The following TRIM66 variants were observed in gnomAD, a reference collection of about 807,000 sequenced individuals.
TRIM66 encodes the protein tripartite motif-containing protein 66.
TRIM66 carries 99 observed loss-of-function variants against 148.2 expected under a neutral mutation model. That is an observed-to-expected ratio of 0.67 (90% confidence interval 0.57 to 0.79). The LOEUF (loss-of-function observed/expected upper bound fraction) is 0.79, where lower values mean the gene tolerates loss of function less well. Ranked by LOEUF, TRIM66 falls within the 30% of genes least tolerant of loss-of-function variation. The pLI is 0.00. For synonymous variants in TRIM66, 616 were observed against 635.9 expected, an observed-to-expected ratio of 0.97 and a Z score of 0.47; for missense variants, 1,666 against 1,697.9, an observed-to-expected ratio of 0.98 and a Z score of 0.33.
At chr11:8,620,810 A>C (rs992010087) in intron 20 of TRIM66, among the ~76,000 whole-genome samples, 1 of 152,234 alleles carries the variant, frequency 6.6e-6, no homozygotes, top group South Asian at 2.1e-4. Flanking sequence ...TGCAAGAAGA[A>C]GGTGAGAAAA....
intron 6 of TRIM66, among the ~76,000 whole-genome samples, chr11:8,658,568 C>T (rs544555250): frequency 1.3e-5 from 2 of 152,220 alleles, no homozygotes; most frequent in African/African-American, 4.8e-5. Flanking sequence ...CCCTGGGGAC[C>T]CCCTGTTTAT....
At position 8,614,660 on chromosome 11, in the gene TRIM66, C is replaced by G. The variant is rs927778162; in HGVS notation, c.*3284G>C. On this transcript the variant is annotated 3_prime_UTR_variant, in exon 25 of 25. Transcript: ENST00000646038. ...TGACTCCATGGAGTGAGAGAGGGAGCAGAACAGAGCCCAGGAACAAACAAG... is the reference window on the plus strand; with the variant it reads ...TGACTCCATGGAGTGAGAGAGGGAGGAGAACAGAGCCCAGGAACAAACAAG... 2.0e-5 allele frequency: 3 copies of G among 152,432 alleles called. No individual in the cohort carries two copies. The highest frequency in any genetic ancestry group is 4.4e-5 in the Non-Finnish European group (3 of 68,192). The allele number at this position is 152,432 out of a possible 1,614,324, so 9.4% of individuals were successfully genotyped here.
intron 4 of TRIM66, 32 bp from the exon 5 acceptor site, chr11:8,672,417 T>C (rs577816343): frequency 1.8e-5 from 26 of 1,479,216 alleles, no homozygotes; most frequent in African/African-American, 1.7e-4. Flanking sequence ...AGGAAGAAAA[T>C]TGCATTATTG....
chr11:8,619,569 A>G, intron 22 of TRIM66, 34 bp from the exon 23 acceptor site: 1 of 1,488,274 alleles, frequency 6.7e-7, no homozygotes, highest in Non-Finnish European at 8.9e-7. Context: ...AAGGAGGCAA[A>G]GGGAGTGAGA....
chr11:8,636,213 C>T (rs1209906210), intron 15 of TRIM66, among the ~76,000 whole-genome samples: 1 of 152,080 alleles, frequency 6.6e-6, no homozygotes, highest in African/African-American at 2.4e-5. Context: ...CGCATGATTT[C>T]ATCTCCATCC....
intron 4 of TRIM66, among the ~76,000 whole-genome samples, chr11:8,673,346 T>C (rs2039033537): frequency 6.6e-6 from 1 of 152,260 alleles, no homozygotes. Context: ...TTAAAAAGTA[T>C]AGTCTGGATT....
chr11:8,676,865 G>A (rs190368042), intron 3 of TRIM66, among the ~76,000 whole-genome samples: 3 of 152,172 alleles, frequency 2.0e-5, no homozygotes, highest in Non-Finnish European at 4.4e-5. Context: ...CTATATGAAC[G>A]AAGTGCTTTA....
At chr11:8,669,291 A>G (rs1008417036) in intron 6 of TRIM66, among the ~76,000 whole-genome samples, 6 of 152,214 alleles carry the variant, frequency 3.9e-5, no homozygotes, top group African/African-American at 1.4e-4. Flanking sequence ...TCATACTGTC[A>G]ATACTGCTGA....
In TRIM66 at chr11:8,640,763, C is replaced by G. The variant is rs202229005; in HGVS notation, c.1612G>C (p.Val538Leu). Residue 538 changes from valine (V) to leucine (L), a missense_variant, in exon 14 of 25, where the codon GTG becomes CTG. Val to Leu is a conservative substitution (Grantham distance 32, BLOSUM62 1). Coordinates refer to ENST00000646038, the MANE Select transcript of TRIM66 (RefSeq NM_001388022.1). ...LQPWLETQPP[V>L]EQESTSQRLG... ...CGCTGGGATGTGCTCTCCTGCTCCACGGGGGGCTGGGTTTCCAGCCAGGGC... is the reference window on the plus strand; with the variant it reads ...CGCTGGGATGTGCTCTCCTGCTCCAGGGGGGGCTGGGTTTCCAGCCAGGGC... 1 of 1,551,308 alleles carries G rather than the reference C, an allele frequency of 6.4e-7. No homozygotes were observed. The highest frequency in any genetic ancestry group is 2.0e-5 in the Admixed American group (1 of 51,006).
At chr11:8,681,599 G>A (rs937356841) in intron 1 of TRIM66, among the ~76,000 whole-genome samples, 2 of 152,130 alleles carry the variant, frequency 1.3e-5, no homozygotes, top group African/African-American at 2.4e-5. Flanking sequence ...CTAGCGAGGG[G>A]ATGGGATCTT....
intron 6 of TRIM66, among the ~76,000 whole-genome samples, chr11:8,663,480 G>A (rs964216966): frequency 1.3e-5 from 2 of 152,102 alleles, no homozygotes; most frequent in Admixed American, 1.3e-4. Flanking sequence ...ACAACTATAA[G>A]AATATACTGT....
intron 6 of TRIM66, among the ~76,000 whole-genome samples, chr11:8,661,429 G>A (rs932002693): frequency 3.9e-5 from 6 of 152,238 alleles, no homozygotes; most frequent in African/African-American, 1.2e-4. Context: ...CTCACTGACC[G>A]AGGTAGCACC....
intron 6 of TRIM66, among the ~76,000 whole-genome samples, chr11:8,662,754 A>G (rs2038346232): frequency 6.6e-6 from 1 of 152,234 alleles, no homozygotes; most frequent in South Asian, 2.1e-4. Context: ...AAGAGAAACA[A>G]TAAGTAATGT....
chr11:8,622,382 A>ATATATC (rs1565477428), intron 18 of TRIM66, among the ~76,000 whole-genome samples: 1 of 130,416 alleles, frequency 7.7e-6, no homozygotes, highest in African/African-American at 2.8e-5. Context: ...ATATATATAT[A>ATATATC]TCTCCTACTT....
chr11:8,666,469 C>T (rs7113874), intron 6 of TRIM66, among the ~76,000 whole-genome samples: 63,960 of 151,186 alleles, frequency 0.42, 14,034 homozygotes, highest in East Asian at 0.6. Flanking sequence ...TCCCCTATTT[C>T]ACATGTTCTC....
intron 5 of TRIM66, 22 bp downstream of exon 5, chr11:8,672,226 T>G: frequency 6.5e-7 from 1 of 1,536,166 alleles, no homozygotes; most frequent in South Asian, 1.2e-5. Context: ...TGGAGGCTCA[T>G]GCCTCAGCCT....
chr11:8,657,816 C>T (rs1381744932), intron 6 of TRIM66, among the ~76,000 whole-genome samples: 1 of 152,348 alleles, frequency 6.6e-6, no homozygotes, highest in East Asian at 1.9e-4. Flanking sequence ...TCCCCAAATA[C>T]CCAGACCCTG....
chr11:8,618,871 C>T lies in TRIM66; in HGVS notation c.3998G>A (p.Arg1333Lys). The change falls in exon 24 of 25, where the codon AGG becomes AAG. Residue 1333 changes from arginine to lysine, a missense_variant. Around this residue, in one of 3 missense-constraint regions of TRIM66, gnomAD observed 204 missense variants for 231.0 expected, o/e 0.88. Transcript: ENST00000646038. ...CTCCTCGGAGTCTGAGTCCTCCTGC[C>T]TTGGCTGGGCAAACCGTTTCTCCGG... ...IYPEKRFAQPRQEDSDSEEVS... is the reference protein window; with the variant it reads ...IYPEKRFAQPKQEDSDSEEVS... 6.4e-7 allele frequency: 1 copy of T among 1,551,472 alleles called. No individual in the cohort carries two copies. Among genetic ancestry groups the T allele is most frequent in the South Asian group, 1.2e-5 (1 of 84,052 alleles).
chr11:8,653,542 C>T (rs550785205), intron 6 of TRIM66, among the ~76,000 whole-genome samples: 1 of 152,252 alleles, frequency 6.6e-6, no homozygotes, highest in Non-Finnish European at 1.5e-5. Flanking sequence ...AACCCACTAG[C>T]TGAATACAGT....
Sources: gnomAD v4.1 joint callset for allele counts (sites outside exome capture counted in the v4.1 genomes callset) on GRCh38, gnomAD v4.1.1 for gene constraint, gnomAD v4.1.1 regional missense constraint, MANE v1.5 for transcripts, NCBI Gene and HGNC (gene_info 2026-07-23, HGNC 2026-07-21) for gene names.